Variants in NRG1 observed in about 807,000 individuals in gnomAD.
The protein encoded by NRG1 is neuregulin 1.
A neutral mutation model predicts 63.8 loss-of-function variants in NRG1; 18 were observed. The observed-to-expected ratio is 0.28, with a 90% CI of 0.19 to 0.42. The LOEUF (loss-of-function observed/expected upper bound fraction) is 0.42, where lower values mean the gene tolerates loss of function less well. Among genes scored for constraint, NRG1 ranks in the 10% least tolerant of loss-of-function variants. The pLI is 1.00. For synonymous variants in NRG1, 302 were observed against 301.3 expected (o/e 1.00, Z -0.02); for missense variants, 762 against 814.7 (o/e 0.94, Z 0.79).
At chr8:32,663,007 A>C (rs1270469994) in intron 5 of NRG1, among the ~76,000 whole-genome samples, 1 of 152,208 alleles carries the variant, frequency 6.6e-6, no homozygotes, top group Non-Finnish European at 1.5e-5. Flanking sequence ...TTGCAGTGAA[A>C]TTGAGGATGT....
intron 5 of NRG1, among the ~76,000 whole-genome samples, chr8:32,633,402 C>CCT (rs1247279246): frequency 6.6e-6 from 1 of 152,056 alleles, no homozygotes; most frequent in African/African-American, 2.4e-5. Context: ...CCTCCAAAGG[C>CCT]CTCTTGCCTG....
At chr8:31,639,551 A>C in intron 1 of NRG1, 1 of 1,446,882 alleles carries the variant, frequency 6.9e-7, no homozygotes. Flanking sequence ...GCTTGCTCGC[A>C]GCCCCAGCAG....
intron 1 of NRG1, among the ~76,000 whole-genome samples, chr8:32,405,103 G>T (rs1813776447): frequency 6.6e-6 from 1 of 152,212 alleles, no homozygotes; most frequent in African/African-American, 2.4e-5. Flanking sequence ...GAATTTGCCA[G>T]TTTGCCATAT....
intron 1 of NRG1, chr8:32,192,227 CA>C (rs1305389957): frequency 6.6e-6 from 1 of 152,214 alleles, no homozygotes. Context: ...TTCAACCTAG[CA>C]GTCTCATTAC....
At chr8:31,985,383 A>G (rs1243336739) in intron 1 of NRG1, among the ~76,000 whole-genome samples, 1 of 152,100 alleles carries the variant, frequency 6.6e-6, no homozygotes, top group Non-Finnish European at 1.5e-5. Flanking sequence ...ATTTATAGAA[A>G]GAAGCAATAA....
At chr8:32,642,737 C>G in intron 5 of NRG1, among the ~76,000 whole-genome samples, 1 of 152,066 alleles carries the variant, frequency 6.6e-6, no homozygotes, top group East Asian at 1.9e-4. Flanking sequence ...CTTTTGCCAG[C>G]CGTAAAATTT....
In NRG1 at chr8:32,084,301, G is replaced by T. The variant is rs1054447672; in HGVS notation, c.37+444870G>T. ...GAGTTTTTTTTGGAGACTTTTCTGA[G>T]ATCTCAAAATGAGGTCTCAGAAACA... is the stretch of plus-strand genomic sequence containing the variant. On this transcript the variant is annotated intron_variant, in intron 1 of 10. Coordinates refer to the NRG1 transcript ENST00000519301. 3.9e-5 allele frequency among the ~76,000 whole-genome samples: 6 copies of T among 152,040 alleles called. No individual in the cohort carries two copies. The East Asian group carries it at 1.2e-3, about 29-fold the overall frequency.
At chr8:31,971,884 C>T (rs561571845) in intron 1 of NRG1, among the ~76,000 whole-genome samples, 1 of 152,194 alleles carries the variant, frequency 6.6e-6, no homozygotes, top group Admixed American at 6.5e-5. Context: ...TCCCCACTCT[C>T]GTCATCTTCT....
At chr8:32,512,128 T>A (rs1205807081) in intron 1 of NRG1, among the ~76,000 whole-genome samples, 1 of 151,400 alleles carries the variant, frequency 6.6e-6, no homozygotes, top group Non-Finnish European at 1.5e-5. Context: ...GATGGTCCTT[T>A]ATGGGGGATG....
At chr8:32,266,621 AAT>A (rs1443308417) in intron 1 of NRG1, among the ~76,000 whole-genome samples, 1 of 152,218 alleles carries the variant, frequency 6.6e-6, no homozygotes. Flanking sequence ...TACAAAAAAT[AAT>A]AGTGTTTCAC....
In NRG1 at chr8:32,605,215, T is replaced by C. The variant is rs368831608; in HGVS notation, c.279-347T>C. ...CCTAGTGGCTGATGGCATTTGGATA[T>C]AGAAAAGTAAGAAAATTTACCAATT... On this transcript the variant is annotated intron_variant, in intron 2 of 11. Transcript: ENST00000356819. Among the ~76,000 whole-genome samples, 7 of 152,278 alleles carry C rather than the reference T, an allele frequency of 4.6e-5. No individual in the cohort carries two copies. In the South Asian group the frequency reaches 8.3e-4, roughly 18 times the overall value.
chr8:32,406,330 A>G (rs7844483), intron 1 of NRG1, among the ~76,000 whole-genome samples: 66,203 of 152,048 alleles, frequency 0.44, 15,429 homozygotes, highest in East Asian at 0.9. Context: ...AAATATATCT[A>G]TGCCTTTGTT....
At chr8:32,502,712 T>C (rs1178419664) in intron 1 of NRG1, among the ~76,000 whole-genome samples, 2 of 152,020 alleles carry the variant, frequency 1.3e-5, no homozygotes, top group Non-Finnish European at 2.9e-5. Context: ...ACTCTTTGCC[T>C]GCAGAGTTTT....
intron 8 of NRG1, among the ~76,000 whole-genome samples, chr8:32,754,970 C>T (rs1183136240): frequency 6.6e-6 from 1 of 152,190 alleles, no homozygotes; most frequent in African/African-American, 2.4e-5. Context: ...CTGAAAATTA[C>T]GAGATAAAGG....
At chr8:31,928,840 T>C (rs1834633298) in intron 1 of NRG1, among the ~76,000 whole-genome samples, 1 of 152,040 alleles carries the variant, frequency 6.6e-6, no homozygotes, top group Non-Finnish European at 1.5e-5. Context: ...GCATCCAGGG[T>C]GGTATAACGG....
intron 1 of NRG1, among the ~76,000 whole-genome samples, chr8:32,042,814 A>C (rs1164784844): frequency 6.6e-6 from 1 of 152,176 alleles, no homozygotes; most frequent in African/African-American, 2.4e-5. Flanking sequence ...GGTGAATTTG[A>C]AGATAGATTG....
intron 1 of NRG1, among the ~76,000 whole-genome samples, chr8:32,059,985 C>T (rs765396055): frequency 9.2e-5 from 14 of 151,904 alleles, no homozygotes; most frequent in Non-Finnish European, 2.1e-4. Flanking sequence ...ACTCCCTCTA[C>T]TTTTCTATTT....
chr8:32,009,774 G>A (rs1174290096), intron 1 of NRG1, among the ~76,000 whole-genome samples: 2 of 151,884 alleles, frequency 1.3e-5, no homozygotes, highest in African/African-American at 4.8e-5. Flanking sequence ...GATTATGTTG[G>A]AGTTTATTGT....
chr8:31,958,622 G>A (rs1231840391), intron 1 of NRG1, among the ~76,000 whole-genome samples: 1 of 152,170 alleles, frequency 6.6e-6, no homozygotes, highest in Non-Finnish European at 1.5e-5. Context: ...AGCTTCCTAA[G>A]GTGACCACTT....
Sources: allele counts gnomAD v4.1 joint callset (sites outside exome capture counted in the v4.1 genomes callset), GRCh38; gene constraint gnomAD v4.1.1; transcripts MANE v1.5; gene names NCBI Gene and HGNC (gene_info 2026-07-23, HGNC 2026-07-21).